TEC: variants seen among roughly 807,000 people sequenced by gnomAD.
TEC encodes the protein tyrosine-protein kinase Tec.
A neutral mutation model predicts 93.0 loss-of-function variants in TEC; 72 were observed. That is an observed-to-expected ratio of 0.77 (90% CI 0.64 to 0.94). The LOEUF is 0.94. TEC is among the 40% of genes least tolerant of loss of function. TEC has a pLI of 0.00. For synonymous variants in TEC, 249 were observed against 247.7 expected, an observed-to-expected ratio of 1.01 and a Z score of -0.05; for missense variants, 630 against 757.9, an observed-to-expected ratio of 0.83 and a Z score of 1.98.
At chr4:48,175,638 G>A (rs1337097188) in intron 3 of TEC, among the ~76,000 whole-genome samples, 1 of 152,144 alleles carries the variant, frequency 6.6e-6, no homozygotes, top group African/African-American at 2.4e-5. Flanking sequence ...CCTTGGAGAA[G>A]CTATTTAACA....
intron 2 of TEC, among the ~76,000 whole-genome samples, chr4:48,221,507 T>C (rs1392042722): frequency 2.6e-5 from 4 of 152,184 alleles, no homozygotes; most frequent in Non-Finnish European, 4.4e-5. Flanking sequence ...GTGAGTCAAT[T>C]AAACCTCTTT....
intron 7 of TEC, among the ~76,000 whole-genome samples, chr4:48,164,175 A>G (rs1247362017): frequency 6.6e-6 from 1 of 152,232 alleles, no homozygotes; most frequent in African/African-American, 2.4e-5. Flanking sequence ...TGTGTTAAAG[A>G]AACCATTACT....
chr4:48,190,239 A>G (rs898766400), intron 2 of TEC, among the ~76,000 whole-genome samples: 4 of 152,128 alleles, frequency 2.6e-5, no homozygotes, highest in Admixed American at 6.5e-5. Flanking sequence ...ACCTAAATTA[A>G]CTCTACTAAC....
intron 15 of TEC, among the ~76,000 whole-genome samples, chr4:48,139,908 T>C (rs1451727931): frequency 6.6e-6 from 1 of 152,202 alleles, no homozygotes; most frequent in Non-Finnish European, 1.5e-5. Flanking sequence ...TGGCAGACAA[T>C]GCCACTGTGG....
chr4:48,204,275 C>T (rs1244198873), intron 2 of TEC, among the ~76,000 whole-genome samples: 1 of 152,184 alleles, frequency 6.6e-6, no homozygotes, highest in African/African-American at 2.4e-5. Flanking sequence ...AATTTGGGCA[C>T]ATGCTAGGCA....
intron 2 of TEC, among the ~76,000 whole-genome samples, chr4:48,197,740 T>G (rs1298273868): frequency 6.6e-6 from 1 of 152,204 alleles, no homozygotes; most frequent in East Asian, 1.9e-4. Flanking sequence ...TGCCTCAGCA[T>G]CCATTTTGAA....
Position 48,212,110 on chromosome 4 carries a change from A to AAAAAATATAT in TEC, c.138+16366_138+16367insATATATTTTT. Among the ~76,000 whole-genome samples the AAAAAATATAT allele has an allele frequency of 1.4e-3, 172 of 122,226 alleles. 1 individual carries two copies. The highest frequency in any genetic ancestry group is 4.8e-3 in the African/African-American group (160 of 33,554). The allele number at this position is 122,226 out of a possible 152,430, so 80.2% of individuals were successfully genotyped here. A position where few individuals can be genotyped will look rare whatever the true frequency, so the allele number is the denominator to read the frequency against. On this transcript the variant is annotated intron_variant, in intron 2 of 17. Coordinates refer to ENST00000381501, the MANE Select transcript of TEC (RefSeq NM_003215.3). ...TGAGACTCTGTCTCAAAAAAAAAAA[A>AAAAAATATAT]ATATATATATATATATATATATGTA...
At chr4:48,242,719 A>G (rs11933797) in intron 1 of TEC, among the ~76,000 whole-genome samples, 18,776 of 152,252 alleles carry the variant, frequency 0.12, 1,450 homozygotes, top group East Asian at 0.24. Flanking sequence ...CCAGAAGCTC[A>G]GAGATACTAT....
intron 1 of TEC, among the ~76,000 whole-genome samples, chr4:48,237,757 C>T (rs1012908791): frequency 6.6e-6 from 1 of 152,212 alleles, no homozygotes; most frequent in African/African-American, 2.4e-5. Context: ...TTAAAGCCCT[C>T]AGTTCACAAA....
intron 2 of TEC, among the ~76,000 whole-genome samples, chr4:48,219,579 G>A (rs1010689894): frequency 4.6e-5 from 7 of 152,190 alleles, no homozygotes; most frequent in Admixed American, 1.3e-4. Flanking sequence ...TCTTATAAGT[G>A]CAGAGAAGAA....
chr4:48,166,805 T>C (rs1720888575), intron 7 of TEC, among the ~76,000 whole-genome samples: 1 of 151,492 alleles, frequency 6.6e-6, no homozygotes, highest in Non-Finnish European at 1.5e-5. Flanking sequence ...TGCAAATAAG[T>C]TAATAATGCA....
At chr4:48,145,364 T>A (rs1390619066) in intron 13 of TEC, 44 bp downstream of exon 13, 2 of 1,612,556 alleles carry the variant, frequency 1.2e-6, no homozygotes, top group African/African-American at 1.3e-5. Flanking sequence ...AAGGGGCCAC[T>A]TCTTAATACA....
intron 2 of TEC, among the ~76,000 whole-genome samples, chr4:48,206,213 C>T (rs1210820582): frequency 6.6e-6 from 1 of 152,060 alleles, no homozygotes; most frequent in Non-Finnish European, 1.5e-5. Flanking sequence ...GGGACAGTTT[C>T]TGTTTGGGTT....
At chr4:48,265,283 T>A (rs1173428075) in intron 1 of TEC, among the ~76,000 whole-genome samples, 2 of 151,418 alleles carry the variant, frequency 1.3e-5, no homozygotes, top group Non-Finnish European at 2.9e-5. Context: ...GAAAAACTTA[T>A]TTTTGGCCCA....
intron 9 of TEC, among the ~76,000 whole-genome samples, chr4:48,152,278 T>G (rs543595618): frequency 5.3e-5 from 8 of 151,876 alleles, no homozygotes; most frequent in African/African-American, 1.9e-4. Context: ...ATACCCCATC[T>G]TTACTAAAAA....
At chr4:48,250,409 C>T (rs1324093815) in intron 1 of TEC, among the ~76,000 whole-genome samples, 2 of 152,196 alleles carry the variant, frequency 1.3e-5, no homozygotes, top group Non-Finnish European at 2.9e-5. Flanking sequence ...TTCATATCTC[C>T]TTGTATCTTT....
At chr4:48,172,856 C>T (rs1721172598) in intron 3 of TEC, among the ~76,000 whole-genome samples, 1 of 152,186 alleles carries the variant, frequency 6.6e-6, no homozygotes, top group African/African-American at 2.4e-5. Context: ...CTTGCCCACA[C>T]AACCAACTCT....
In TEC at chr4:48,228,501, T is replaced by G; in HGVS notation, c.114A>C (p.Leu38=). Residue 38 remains leucine, a synonymous_variant, in exon 2 of 18, where the codon CTA becomes CTC. Transcript: ENST00000381501. The part of the protein sequence containing the change: ...ERLFVLTKSM[L]TYYEGRAEKK... ...CCTCTGCTCGACCCTCATAGTAGGT[T>G]AGCATGGACTTTGTAAGTACAAAAA... is the stretch of plus-strand genomic sequence containing the variant. 6.2e-7 allele frequency: 1 copy of G among 1,611,264 alleles called. No homozygotes were observed. The highest frequency in any genetic ancestry group is 1.1e-5 in the South Asian group (1 of 90,586).
chr4:48,173,293 C>T (rs1308827666), intron 3 of TEC, among the ~76,000 whole-genome samples: 4 of 152,096 alleles, frequency 2.6e-5, no homozygotes, highest in African/African-American at 7.2e-5. Context: ...ACTAGCTAAC[C>T]GCCTCCCCCC....
Sources: gnomAD v4.1 joint callset for allele counts (sites outside exome capture counted in the v4.1 genomes callset) on GRCh38, gnomAD v4.1.1 for gene constraint, MANE v1.5 for transcripts, NCBI Gene and HGNC (gene_info 2026-07-23, HGNC 2026-07-21) for gene names.